The following RARB variants were observed in gnomAD, a reference collection of about 807,000 sequenced individuals.
The protein encoded by RARB is HBV-activated protein.
RARB carries 17 observed loss-of-function variants against 51.9 expected under a neutral mutation model. That is an observed-to-expected ratio of 0.33 (90% CI 0.22 to 0.49). RARB has a LOEUF of 0.49. Among genes scored for constraint, RARB ranks in the 20% least tolerant of loss-of-function variants. The probability of loss-of-function intolerance (pLI) is 0.99; values close to 1 mark genes in which losing one functional copy is unlikely to be tolerated. For synonymous variants in RARB, 215 were observed against 195.4 expected (o/e 1.10, Z -0.84); for missense variants, 369 against 550.8 (o/e 0.67, Z 3.30).
intron 5 of RARB, among the ~76,000 whole-genome samples, chr3:25,291,147 C>G (rs1475457331): frequency 6.6e-6 from 1 of 152,110 alleles, no homozygotes; most frequent in Non-Finnish European, 1.5e-5. Context: ...CCAGCATTAC[C>G]ATGCAATGAT....
At position 25,460,428 on chromosome 3, in the gene RARB, T is replaced by TTTCATTTA. The variant is rs369452418; in HGVS notation, c.158-763_158-762insCATTTATT. On this transcript the variant is annotated intron_variant, in intron 1 of 7. Coordinates refer to ENST00000330688, the MANE Select transcript of RARB (RefSeq NM_000965.5). The stretch of plus-strand genomic sequence containing the variant: ...TTTGTCCAAAGGAAAATTTTAAAAT[T>TTTCATTTA]TTTATTTATTTATTTATTTATTTAT... 3.5e-3 allele frequency among the ~76,000 whole-genome samples: 513 copies of TTTCATTTA among 145,674 alleles called. 2 individuals are homozygous for TTTCATTTA. The highest frequency in any genetic ancestry group is 5.7e-3 in the Non-Finnish European group (379 of 66,646).
intron 2 of RARB, among the ~76,000 whole-genome samples, chr3:25,046,296 TAGTC>T (rs933010984): frequency 1.3e-5 from 2 of 152,146 alleles, no homozygotes; most frequent in African/African-American, 4.8e-5. Flanking sequence ...AGGATCAAAA[TAGTC>T]AGTCTCCTAA....
At chr3:25,270,451 C>G (rs1002270530) in intron 5 of RARB, among the ~76,000 whole-genome samples, 6 of 152,004 alleles carry the variant, frequency 3.9e-5, no homozygotes, top group Admixed American at 2.6e-4. Flanking sequence ...ATCTGTACAC[C>G]TAAAAATTGT....
At chr3:25,275,500 G>C (rs1363999360) in intron 5 of RARB, among the ~76,000 whole-genome samples, 1 of 152,116 alleles carries the variant, frequency 6.6e-6, no homozygotes, top group Non-Finnish European at 1.5e-5. Context: ...TTTAGCACCT[G>C]GCTTACTGCC....
At chr3:25,272,725 T>G (rs969676805) in intron 5 of RARB, among the ~76,000 whole-genome samples, 1 of 152,224 alleles carries the variant, frequency 6.6e-6, no homozygotes, top group African/African-American at 2.4e-5. Flanking sequence ...GTAGTTTTAC[T>G]GCAAAGGCTT....
intron 1 of RARB, among the ~76,000 whole-genome samples, chr3:25,447,336 C>A (rs1264608762): frequency 1.3e-5 from 2 of 152,102 alleles, no homozygotes; most frequent in Non-Finnish European, 2.9e-5. Flanking sequence ...AGTAACACAC[C>A]CACTCATGAC....
chr3:25,039,445 T>G (rs546644121), intron 2 of RARB, among the ~76,000 whole-genome samples: 3 of 152,216 alleles, frequency 2.0e-5, no homozygotes, highest in Non-Finnish European at 4.4e-5. Flanking sequence ...AACTTACTAG[T>G]AATTTTAATT....
chr3:24,915,959 G>C (rs558438652), intron 2 of RARB, among the ~76,000 whole-genome samples: 1 of 152,270 alleles, frequency 6.6e-6, no homozygotes, highest in South Asian at 2.1e-4. Context: ...GTCAGGGAGA[G>C]AGAGGCACCT....
chr3:24,834,914 T>G (rs1247280321), intron 1 of RARB, among the ~76,000 whole-genome samples: 2 of 152,132 alleles, frequency 1.3e-5, no homozygotes, highest in Non-Finnish European at 2.9e-5. Flanking sequence ...ATTTCTTCCT[T>G]TCCTTTTTCC....
intron 2 of RARB, among the ~76,000 whole-genome samples, chr3:24,886,933 C>G (rs921134510): frequency 6.6e-6 from 1 of 152,224 alleles, no homozygotes; most frequent in Non-Finnish European, 1.5e-5. Context: ...TAAATATCCT[C>G]TTTCCCGTTG....
intron 5 of RARB, among the ~76,000 whole-genome samples, chr3:25,348,513 A>C (rs1705465543): frequency 6.6e-6 from 1 of 152,038 alleles, no homozygotes; most frequent in Non-Finnish European, 1.5e-5. Context: ...AAAAGTGGGT[A>C]ATATAATTTG....
intron 4 of RARB, among the ~76,000 whole-genome samples, chr3:25,164,902 T>C (rs1481633565): frequency 6.6e-6 from 1 of 152,172 alleles, no homozygotes; most frequent in Admixed American, 6.6e-5. Context: ...CATTCATGAA[T>C]GAACACTTCC....
intron 5 of RARB, among the ~76,000 whole-genome samples, chr3:25,239,757 G>C (rs183554864): frequency 7.4e-4 from 112 of 152,074 alleles, no homozygotes; most frequent in African/African-American, 2.6e-3. Flanking sequence ...TTTGTTTTTT[G>C]TGTTCAGGGT....
At chr3:24,881,636 T>C (rs1703168636) in intron 2 of RARB, among the ~76,000 whole-genome samples, 1 of 152,194 alleles carries the variant, frequency 6.6e-6, no homozygotes, top group African/African-American at 2.4e-5. Context: ...ATTGATCTTT[T>C]TAAAAGTTAC....
At chr3:24,929,074 GTAATGATA>G (rs1695387591) in intron 2 of RARB, among the ~76,000 whole-genome samples, 2 of 152,020 alleles carry the variant, frequency 1.3e-5, no homozygotes, top group Admixed American at 1.3e-4. Flanking sequence ...TCATGTAAAA[GTAATGATA>G]TAATGATATG....
intron 5 of RARB, among the ~76,000 whole-genome samples, chr3:25,328,993 C>T (rs1704809949): frequency 2.6e-5 from 4 of 152,186 alleles, no homozygotes; most frequent in South Asian, 4.1e-4. Flanking sequence ...TCCACCATTG[C>T]TGAGGCTTGA....
chr3:25,495,532 A>T (rs1425515980), intron 2 of RARB, among the ~76,000 whole-genome samples: 1 of 152,248 alleles, frequency 6.6e-6, no homozygotes, highest in African/African-American at 2.4e-5. Context: ...AGATGTGGGC[A>T]TTCCATAATT....
At chr3:25,189,154 T>C (rs566395668) in intron 5 of RARB, among the ~76,000 whole-genome samples, 32 of 152,286 alleles carry the variant, frequency 2.1e-4, no homozygotes, top group Admixed American at 1.5e-3. Context: ...TGTTTGTGTT[T>C]TTAATATCAT....
intron 5 of RARB, among the ~76,000 whole-genome samples, chr3:25,269,149 C>T (rs1703193150): frequency 6.6e-6 from 1 of 152,064 alleles, no homozygotes; most frequent in African/African-American, 2.4e-5. Flanking sequence ...CAAGTATGTG[C>T]CAAAATATGT....
Sources: gnomAD v4.1 joint callset for allele counts (sites outside exome capture counted in the v4.1 genomes callset) on GRCh38, gnomAD v4.1.1 for gene constraint, MANE v1.5 for transcripts, NCBI Gene and HGNC (gene_info 2026-07-23, HGNC 2026-07-21) for gene names.